Variants in PFKFB3 observed in about 807,000 individuals in gnomAD.
PFKFB3 encodes 6-phosphofructo-2-kinase/fructose-2,6-bisphosphatase 3.
PFKFB3 carries 33 observed loss-of-function variants against 68.0 expected under a neutral mutation model. The observed-to-expected ratio is 0.49, with a 90% confidence interval of 0.37 to 0.65. PFKFB3 has a LOEUF of 0.65. Among genes scored for constraint, PFKFB3 ranks in the 30% least tolerant of loss-of-function variants. The probability of loss-of-function intolerance (pLI) is 0.00; values close to 1 mark genes in which losing one functional copy is unlikely to be tolerated. For synonymous variants in PFKFB3, 315 were observed against 288.2 expected (o/e 1.09, Z -0.94); for missense variants, 586 against 712.2 (o/e 0.82, Z 2.02).
chr10:6,168,420 A>T (rs937006497), intron 1 of PFKFB3, among the ~76,000 whole-genome samples: 5 of 152,176 alleles, frequency 3.3e-5, no homozygotes, highest in Non-Finnish European at 7.3e-5. Flanking sequence ...TAGCTGTGTG[A>T]CCTTGGAGAA....
intron 1 of PFKFB3, among the ~76,000 whole-genome samples, chr10:6,180,213 T>A (rs1044692101): frequency 1.9e-3 from 15 of 7,852 alleles, no homozygotes; most frequent in African/African-American, 5.6e-3. Context: ...ACATTCTTTT[T>A]AATGGATGGA....
At chr10:6,249,178 T>TAAAAAAAAAAAAAA (rs71391803) in intron 14 of PFKFB3, among the ~76,000 whole-genome samples, 7 of 76,960 alleles carry the variant, frequency 9.1e-5, no homozygotes, top group African/African-American at 2.9e-4. Flanking sequence ...CCGTCTCAAT[T>TAAAAAAAAAAAAAA]AAAAAAAAAA....
chr10:6,187,915 C>T lies in PFKFB3; in HGVS notation c.17-25708C>T, dbSNP rs545478090. ...CTCACCTAGATTCTGCAAGTGTTAC[C>T]ATTTGACTCCTCTATCATTCTCTCC... On this transcript the variant is annotated intron_variant, in intron 1 of 14. Transcript: ENST00000379789. Among the ~76,000 whole-genome samples the T allele has an allele frequency of 3.3e-5, 5 of 152,084 alleles. No individual in the cohort carries two copies. The South Asian group carries it at 8.3e-4, about 25-fold the overall frequency.
At chr10:6,176,223 G>A (rs1201966534) in intron 1 of PFKFB3, among the ~76,000 whole-genome samples, 1 of 152,140 alleles carries the variant, frequency 6.6e-6, no homozygotes, top group Non-Finnish European at 1.5e-5. Flanking sequence ...AAAACAGATA[G>A]AAAGTTCAAG....
the PFKFB3 span, among the ~76,000 whole-genome samples, chr10:6,298,836 G>A: frequency 0.035 from 5,399 of 152,194 alleles, 299 homozygotes; most frequent in African/African-American, 0.12. Flanking sequence ...CTGTTGGTGC[G>A]GAAAAAGAAT....
At chr10:6,207,582 AT>A (rs1200110893) in intron 1 of PFKFB3, among the ~76,000 whole-genome samples, 2 of 152,172 alleles carry the variant, frequency 1.3e-5, no homozygotes, top group African/African-American at 4.8e-5. Context: ...ATGTGCTACC[AT>A]TCCCAGCCTC....
chr10:6,238,621 T>C (rs190915327), downstream of PFKFB3, among the ~76,000 whole-genome samples: 5 of 151,874 alleles, frequency 3.3e-5, no homozygotes, highest in Non-Finnish European at 5.9e-5. Flanking sequence ...GTTAAATAGG[T>C]AAACTTGTGT....
intron 10 of PFKFB3, 78 bp downstream of exon 10, chr10:6,221,823 G>A: frequency 6.2e-6 from 6 of 970,628 alleles, no homozygotes; most frequent in Non-Finnish European, 7.9e-6. Flanking sequence ...ACCCCTCCAG[G>A]GAGTTCACTT....
chr10:6,250,100 A>G lies in PFKFB3; in HGVS notation c.1516-4078A>G, dbSNP rs540195947. ...AATTATTGGACTCCTACTACAGGGAAAGTGTTATGTTGGGTGCTGTGGAAG... is the reference window on the plus strand; with the variant it reads ...AATTATTGGACTCCTACTACAGGGAGAGTGTTATGTTGGGTGCTGTGGAAG... On this transcript the variant is annotated intron_variant, in intron 14 of 14. Transcript: ENST00000640683. 4.6e-5 allele frequency among the ~76,000 whole-genome samples: 7 copies of G among 152,104 alleles called. No homozygotes were observed. The East Asian group carries it at 1.2e-3, about 25-fold the overall frequency.
chr10:6,191,227 G>A (rs1483661299), intron 1 of PFKFB3, among the ~76,000 whole-genome samples: 3 of 152,212 alleles, frequency 2.0e-5, no homozygotes, highest in Admixed American at 2.0e-4. Context: ...TTAAAAATAC[G>A]TTGATTGATT....
At chr10:6,294,328 AAG>A in the PFKFB3 span, 1 of 415,686 alleles carries the variant, frequency 2.4e-6, no homozygotes, top group Non-Finnish European at 4.8e-6. Flanking sequence ...TTATAAAGGA[AAG>A]AGATTTAATT....
At chr10:6,161,530 ATATATACACACATATG>A (rs1329307557) in intron 1 of PFKFB3, among the ~76,000 whole-genome samples, 2 of 152,012 alleles carry the variant, frequency 1.3e-5, no homozygotes, top group Non-Finnish European at 2.9e-5. Context: ...TGAGTCATAG[ATATATACACACATATG>A]TATATATATA....
the PFKFB3 span, among the ~76,000 whole-genome samples, chr10:6,323,868 C>T: frequency 6.6e-6 from 1 of 152,126 alleles, no homozygotes; most frequent in Non-Finnish European, 1.5e-5. Flanking sequence ...AAAAATGAAA[C>T]AGAGGACTAC....
At chr10:6,174,544 A>G (rs554374985) in intron 1 of PFKFB3, among the ~76,000 whole-genome samples, 2 of 152,244 alleles carry the variant, frequency 1.3e-5, no homozygotes, top group South Asian at 2.1e-4. Context: ...CGAGAAAGCC[A>G]GGAGCTGGGG....
At chr10:6,219,741 T>A (rs1557111) in intron 7 of PFKFB3, 48 bp downstream of exon 7, 9 of 1,592,934 alleles carry the variant, frequency 5.6e-6, no homozygotes, top group Non-Finnish European at 7.7e-6. Context: ...TGAGGGTTCT[T>A]ACTGAATTCT....
At chr10:6,268,796 C>T in the PFKFB3 span, among the ~76,000 whole-genome samples, 1 of 151,278 alleles carries the variant, frequency 6.6e-6, no homozygotes, top group Non-Finnish European at 1.5e-5. Context: ...CTGAGACAGG[C>T]CAATTGCTTG....
At chr10:6,258,946 C>T (rs1846513370), downstream of PFKFB3, among the ~76,000 whole-genome samples, 1 of 152,200 alleles carries the variant, frequency 6.6e-6, no homozygotes, top group Non-Finnish European at 1.5e-5. Context: ...TACACTCTAT[C>T]ATATATGGTG....
In PFKFB3 at chr10:6,184,710, G is replaced by A. The variant is rs530827271; in HGVS notation, c.17-28913G>A. Among the ~76,000 whole-genome samples, 5 of 150,880 alleles carry A rather than the reference G, an allele frequency of 3.3e-5. No individual in the cohort carries two copies. In the South Asian group the frequency reaches 1.0e-3, roughly 32 times the overall value. On this transcript the variant is annotated intron_variant, in intron 1 of 14. Coordinates refer to the PFKFB3 transcript ENST00000379789. ...TGGTTTCGAACTCCTGACCTCAGGT[G>A]ATCCACCTGCCTCGGCCTCCCAAAG...
chr10:6,245,191 A>T (rs1307883873), intron 14 of PFKFB3, among the ~76,000 whole-genome samples: 1 of 150,312 alleles, frequency 6.7e-6, no homozygotes, highest in Non-Finnish European at 1.5e-5. Context: ...CTGTCTCCTG[A>T]GTTCAAGCAA....
Sources: allele counts gnomAD v4.1 joint callset (sites outside exome capture counted in the v4.1 genomes callset), GRCh38; gene constraint gnomAD v4.1.1; transcripts MANE v1.5; gene names NCBI Gene and HGNC (gene_info 2026-07-23, HGNC 2026-07-21).